Variants in GRIN2B observed in about 807,000 individuals in gnomAD.
GRIN2B encodes the protein glutamate ionotropic receptor NMDA type subunit 2B.
GRIN2B carries 5 observed loss-of-function variants against 114.5 expected under a neutral mutation model. The observed-to-expected ratio is 0.04, with a 90% CI of 0.02 to 0.09. The LOEUF (loss-of-function observed/expected upper bound fraction) is 0.09, where lower values mean the gene tolerates loss of function less well. Among genes scored for constraint, GRIN2B ranks in the 10% least tolerant of loss-of-function variants. The pLI, the probability that GRIN2B is intolerant of heterozygous loss-of-function variation, is 1.00. For synonymous variants in GRIN2B, 787 were observed against 745.1 expected (o/e 1.06, Z -0.92); for missense variants, 1,108 against 1,943.5 (o/e 0.57, Z 8.08).
intron 3 of GRIN2B, among the ~76,000 whole-genome samples, chr12:13,843,023 TTTA>T (rs1467567856): frequency 7.1e-5 from 7 of 99,054 alleles, no homozygotes; most frequent in African/African-American, 1.9e-4. Flanking sequence ...TTTAAAATTT[TTTA>T]TTATTTATTT....
intron 2 of GRIN2B, among the ~76,000 whole-genome samples, chr12:13,916,757 G>GTGTGTA (rs1217628345): frequency 3.4e-5 from 5 of 149,218 alleles, no homozygotes; most frequent in East Asian, 2.0e-4. Context: ...GTGTGTGTGT[G>GTGTGTA]TGTATTTTAA....
intron 3 of GRIN2B, among the ~76,000 whole-genome samples, chr12:13,857,390 C>CACAT (rs1244780208): frequency 6.6e-6 from 1 of 152,062 alleles, no homozygotes; most frequent in Non-Finnish European, 1.5e-5. Context: ...CACACACACA[C>CACAT]ACACACACAC....
chr12:13,792,350 T>C (rs1370708195), intron 3 of GRIN2B, among the ~76,000 whole-genome samples: 1 of 152,222 alleles, frequency 6.6e-6, no homozygotes, highest in African/African-American at 2.4e-5. Flanking sequence ...GCTATAGTCA[T>C]AGGATGAGAG....
chr12:13,544,997 A>G lies in GRIN2B; in HGVS notation c.*17786T>C, dbSNP rs1276976425. Reference sequence around the variant, plus strand: ...CTCATCTTGCTCTTGGTAAAAGCCAAATCCTGACAGTGTCCTACAAGGCCC... The same window carrying G: ...CTCATCTTGCTCTTGGTAAAAGCCAGATCCTGACAGTGTCCTACAAGGCCC... On this transcript the variant is annotated 3_prime_UTR_variant, in exon 14 of 14. Transcript: ENST00000609686. The G allele has an allele frequency of 6.6e-6, 1 of 152,306 alleles. No homozygotes were observed. The highest frequency in any genetic ancestry group is 1.5e-5 in the Non-Finnish European group (1 of 68,166). The allele number at this position is 152,306 out of a possible 1,614,324, so 9.4% of individuals were successfully genotyped here. A position where few individuals can be genotyped will look rare whatever the true frequency, so the allele number is the denominator to read the frequency against.
chr12:13,832,590 T>C (rs1865170834), intron 3 of GRIN2B, among the ~76,000 whole-genome samples: 1 of 152,248 alleles, frequency 6.6e-6, no homozygotes, highest in African/African-American at 2.4e-5. Flanking sequence ...TAACCTGCCT[T>C]TTTCATGTAT....
At chr12:13,704,260 C>G (rs1271428740) in intron 4 of GRIN2B, among the ~76,000 whole-genome samples, 1 of 152,072 alleles carries the variant, frequency 6.6e-6, no homozygotes, top group African/African-American at 2.4e-5. Context: ...ACACCACCAC[C>G]ATGCAGAGCC....
At chr12:13,782,634 T>G (rs372554784) in intron 3 of GRIN2B, among the ~76,000 whole-genome samples, 3 of 152,246 alleles carry the variant, frequency 2.0e-5, no homozygotes, top group Non-Finnish European at 4.4e-5. Context: ...TAATGAGACA[T>G]GTTTCTTGCA....
intron 5 of GRIN2B, among the ~76,000 whole-genome samples, chr12:13,632,091 G>T (rs1215770923): frequency 6.6e-6 from 1 of 152,154 alleles, no homozygotes; most frequent in Non-Finnish European, 1.5e-5. Flanking sequence ...TATTAAAACT[G>T]ACAACTCAAC....
chr12:13,852,387 G>C (rs1319440823), intron 3 of GRIN2B, among the ~76,000 whole-genome samples: 1 of 152,226 alleles, frequency 6.6e-6, no homozygotes, highest in South Asian at 2.1e-4. Context: ...CATTTAGTTA[G>C]AGGAAAGCCA....
intron 4 of GRIN2B, among the ~76,000 whole-genome samples, chr12:13,740,846 A>G (rs1482750112): frequency 5.9e-5 from 9 of 152,130 alleles, no homozygotes; most frequent in Admixed American, 1.3e-4. Context: ...AAAGGGAGGT[A>G]TCAGCAAGAT....
chr12:13,793,461 C>T (rs1864355118), intron 3 of GRIN2B, among the ~76,000 whole-genome samples: 1 of 151,818 alleles, frequency 6.6e-6, no homozygotes, highest in South Asian at 2.1e-4. Flanking sequence ...ATCCTTAGTT[C>T]TCAAGAAAAT....
intron 2 of GRIN2B, among the ~76,000 whole-genome samples, chr12:13,867,472 C>T (rs1865845974): frequency 1.3e-5 from 2 of 152,102 alleles, no homozygotes; most frequent in African/African-American, 4.8e-5. Flanking sequence ...CAGGTGATGG[C>T]TACACTAAAA....
intron 2 of GRIN2B, among the ~76,000 whole-genome samples, chr12:13,960,097 G>A (rs2136860236): frequency 1.3e-5 from 2 of 152,132 alleles, no homozygotes; most frequent in East Asian, 3.9e-4. Flanking sequence ...CTAGGATGCT[G>A]AGCAGCATCC....
intron 2 of GRIN2B, among the ~76,000 whole-genome samples, chr12:13,881,279 T>C (rs1388333581): frequency 6.6e-6 from 1 of 151,572 alleles, no homozygotes; most frequent in Non-Finnish European, 1.5e-5. Context: ...CATTGCACCA[T>C]CCACCTCAAC....
In GRIN2B at chr12:13,865,920, C is replaced by T; in HGVS notation, c.289G>A (p.Val97Met). The T allele has an allele frequency of 6.2e-7, 1 of 1,614,050 alleles. No individual in the cohort carries two copies. Among genetic ancestry groups the T allele is most frequent in the Non-Finnish European group, 8.5e-7 (1 of 1,179,926 alleles). ...TGGTCTGTGTCATCAGCAAACACCA[C>T]CCCCTGGATCTTCCGGTCAGACATG... is the stretch of plus-strand genomic sequence containing the variant. ...DLMSDRKIQGVVFADDTDQEA... is the reference protein window; with the variant it reads ...DLMSDRKIQGMVFADDTDQEA... Residue 97 changes from valine (V) to methionine (M), a missense_variant, in exon 3 of 14, where the codon GTG (valine) becomes ATG (methionine). Physicochemically the swap from Val to Met is conservative, Grantham distance 21 (BLOSUM62 1). This residue lies in a region of GRIN2B where 199 missense variants were observed against 439.6 expected (regional missense o/e 0.45). Coordinates refer to ENST00000609686, the MANE Select transcript of GRIN2B (RefSeq NM_000834.5).
At chr12:13,701,603 A>G (rs1018827818) in intron 4 of GRIN2B, among the ~76,000 whole-genome samples, 1 of 152,100 alleles carries the variant, frequency 6.6e-6, no homozygotes, top group Non-Finnish European at 1.5e-5. Context: ...CCCTCCAACT[A>G]CAACAAGCAG....
chr12:13,827,424 A>G (rs1457699281), intron 3 of GRIN2B, among the ~76,000 whole-genome samples: 1 of 151,634 alleles, frequency 6.6e-6, no homozygotes, highest in East Asian at 1.9e-4. Flanking sequence ...ATGTGGACTG[A>G]TAGATAATTT....
intron 3 of GRIN2B, among the ~76,000 whole-genome samples, chr12:13,824,024 T>G (rs892559045): frequency 1.1e-4 from 17 of 152,224 alleles, no homozygotes; most frequent in Non-Finnish European, 2.2e-4. Context: ...TATATCTTGC[T>G]GGATTTCCAT....
chr12:13,647,688 G>T (rs1949774462), intron 5 of GRIN2B, among the ~76,000 whole-genome samples: 1 of 152,054 alleles, frequency 6.6e-6, no homozygotes, highest in African/African-American at 2.4e-5. Flanking sequence ...GGGGTAGCCT[G>T]ACTAGCATTG....
Sources: allele counts gnomAD v4.1 joint callset (sites outside exome capture counted in the v4.1 genomes callset), GRCh38; gene constraint gnomAD v4.1.1; regional missense constraint gnomAD v4.1.1; transcripts MANE v1.5; gene names NCBI Gene and HGNC (gene_info 2026-07-23, HGNC 2026-07-21).